CEP112: variants seen among roughly 807,000 people sequenced by gnomAD.
The protein encoded by CEP112 is centrosomal protein 112, also known as centrosomal protein of 112 kDa.
A neutral mutation model predicts 153.0 loss-of-function variants in CEP112; 127 were observed. That is an observed-to-expected ratio of 0.83 (90% CI 0.72 to 0.96). CEP112 has a LOEUF of 0.96. CEP112 is among the 40% of genes least tolerant of loss of function. The pLI is 0.00. For missense variants in CEP112, 1,089 were observed against 1,101.2 expected, an observed-to-expected ratio of 0.99 and a Z score of 0.16; for synonymous variants, 358 against 374.4, an observed-to-expected ratio of 0.96 and a Z score of 0.51.
intron 12 of CEP112, among the ~76,000 whole-genome samples, chr17:66,044,770 A>G (rs1303936168): frequency 6.6e-6 from 1 of 152,212 alleles, no homozygotes; most frequent in Non-Finnish European, 1.5e-5. Context: ...TTGGAGCTGG[A>G]TGGTAGTGAT....
At chr17:65,682,549 A>C (rs2047584069) in intron 24 of CEP112, among the ~76,000 whole-genome samples, 1 of 152,168 alleles carries the variant, frequency 6.6e-6, no homozygotes, top group Non-Finnish European at 1.5e-5. Flanking sequence ...CTAACGAATG[A>C]CTGAACTGCT....
intron 18 of CEP112, among the ~76,000 whole-genome samples, chr17:65,940,520 A>T (rs1017986024): frequency 6.6e-6 from 1 of 152,214 alleles, no homozygotes; most frequent in Non-Finnish European, 1.5e-5. Flanking sequence ...GATAAAGAAA[A>T]TGTGGCATGT....
At chr17:65,667,898 C>G (rs2046775946) in intron 24 of CEP112, among the ~76,000 whole-genome samples, 1 of 140,424 alleles carries the variant, frequency 7.1e-6, no homozygotes, top group Non-Finnish European at 1.5e-5. Flanking sequence ...CCCTTGGGCA[C>G]TTTTTTTTTT....
chr17:66,089,341 C>A (rs1345701047), intron 8 of CEP112, among the ~76,000 whole-genome samples: 1 of 152,064 alleles, frequency 6.6e-6, no homozygotes, highest in Non-Finnish European at 1.5e-5. Context: ...TAGCTGACCC[C>A]AAAGAAATGA....
chr17:65,997,341 C>T (rs2063827085), intron 17 of CEP112, among the ~76,000 whole-genome samples: 2 of 152,178 alleles, frequency 1.3e-5, no homozygotes, highest in Admixed American at 1.3e-4. Context: ...GCGAGAAAAA[C>T]TCTCACCTGT....
intron 21 of CEP112, among the ~76,000 whole-genome samples, chr17:65,820,250 G>C (rs8080916): frequency 0.4 from 60,648 of 151,704 alleles, 13,061 homozygotes; most frequent in East Asian, 0.79. Context: ...TTCATATCTA[G>C]TGCCAATTCA....
intron 20 of CEP112, among the ~76,000 whole-genome samples, chr17:65,871,087 T>C (rs1746550814): frequency 6.6e-6 from 1 of 152,146 alleles, no homozygotes; most frequent in South Asian, 2.1e-4. Flanking sequence ...CTAACAATGG[T>C]AGGACATTAC....
chr17:65,979,841 G>A (rs993753338), intron 17 of CEP112, among the ~76,000 whole-genome samples: 3 of 152,000 alleles, frequency 2.0e-5, no homozygotes, highest in African/African-American at 7.3e-5. Context: ...CCCAATATGG[G>A]TAAGATAAAC....
At chr17:65,895,498 G>A (rs371379410) in intron 20 of CEP112, among the ~76,000 whole-genome samples, 4 of 152,010 alleles carry the variant, frequency 2.6e-5, no homozygotes, top group Admixed American at 6.6e-5. Flanking sequence ...ATGGCAAATC[G>A]CTGAAAGAAA....
chr17:65,947,321 G>A (rs1161088730), intron 18 of CEP112, among the ~76,000 whole-genome samples: 1 of 152,034 alleles, frequency 6.6e-6, no homozygotes, highest in Non-Finnish European at 1.5e-5. Context: ...TGTATTCCCA[G>A]AATCTACAAC....
intron 23 of CEP112, among the ~76,000 whole-genome samples, chr17:65,738,288 A>C (rs1262301023): frequency 6.6e-6 from 1 of 152,198 alleles, no homozygotes; most frequent in Non-Finnish European, 1.5e-5. Context: ...CAGTGTGAAA[A>C]TACTACTACT....
At chr17:65,874,082 C>T (rs1000571406) in intron 20 of CEP112, among the ~76,000 whole-genome samples, 1 of 152,042 alleles carries the variant, frequency 6.6e-6, no homozygotes, top group South Asian at 2.1e-4. Context: ...ATTTTATTTG[C>T]TTAAAATTTT....
intron 21 of CEP112, among the ~76,000 whole-genome samples, chr17:65,752,298 T>C (rs1038241761): frequency 6.6e-6 from 1 of 152,098 alleles, no homozygotes; most frequent in African/African-American, 2.4e-5. Flanking sequence ...TGCATATATG[T>C]ATGGGTTTGT....
chr17:65,716,829 G>A (rs558625682), intron 23 of CEP112, among the ~76,000 whole-genome samples: 1 of 152,290 alleles, frequency 6.6e-6, no homozygotes, highest in South Asian at 2.1e-4. Context: ...GCATGATGCT[G>A]TAGAGGGGCA....
At chr17:65,822,567 G>A (rs150452795) in intron 21 of CEP112, among the ~76,000 whole-genome samples, 19 of 151,772 alleles carry the variant, frequency 1.3e-4, no homozygotes, top group Admixed American at 9.2e-4. Flanking sequence ...TTTGATCCAC[G>A]GTTGGTTGAA....
chr17:65,832,740 C>A (rs761558493), intron 21 of CEP112, among the ~76,000 whole-genome samples: 1 of 151,298 alleles, frequency 6.6e-6, no homozygotes, highest in Non-Finnish European at 1.5e-5. Context: ...AACTCCAGGG[C>A]CTGATGGATT....
chr17:65,682,829 G>A (rs1423917686), intron 24 of CEP112, among the ~76,000 whole-genome samples: 1 of 152,148 alleles, frequency 6.6e-6, no homozygotes, highest in Non-Finnish European at 1.5e-5. Context: ...CAGGCCAGAT[G>A]TTCCCTTCTC....
At chr17:65,646,030 GC>G (rs990442371) in intron 24 of CEP112, among the ~76,000 whole-genome samples, 2 of 152,182 alleles carry the variant, frequency 1.3e-5, no homozygotes, top group African/African-American at 4.8e-5. Context: ...AAGTACTTAA[GC>G]CCTTTGGTTC....
At chr17:65,805,506 A>G (rs1027820693) in intron 21 of CEP112, among the ~76,000 whole-genome samples, 2 of 152,240 alleles carry the variant, frequency 1.3e-5, no homozygotes, top group Admixed American at 1.3e-4. Flanking sequence ...AACATTCTCA[A>G]TGATGACTCT....
Sources: allele counts gnomAD v4.1 joint callset (sites outside exome capture counted in the v4.1 genomes callset), GRCh38; gene constraint gnomAD v4.1.1; transcripts MANE v1.5; gene names NCBI Gene and HGNC (gene_info 2026-07-23, HGNC 2026-07-21).